The following CDCP2 variants were observed in gnomAD, a reference collection of about 807,000 sequenced individuals.
The protein encoded by CDCP2 is CUB domain-containing protein 2.
CDCP2 carries 31 observed loss-of-function variants against 31.0 expected under a neutral mutation model. The observed-to-expected ratio is 1.00, with a 90% CI of 0.75 to 1.35. The LOEUF is 1.35. Among genes scored for constraint, CDCP2 ranks in the 40% most tolerant of loss-of-function variants. CDCP2 has a pLI of 0.00. For missense variants in CDCP2, 443 were observed against 482.6 expected (o/e 0.92, Z 0.77); for synonymous variants, 206 against 207.9 (o/e 0.99, Z 0.08).
At chr1:54,137,692 T>TGTGTGTGTGCGCGC (rs1553173560) in intron 4 of CDCP2, 1 of 146,090 alleles carries the variant, frequency 6.8e-6, no homozygotes, top group African/African-American at 2.6e-5. Flanking sequence ...TGCGTGTGTG[T>TGTGTGTGTGCGCGC]GTGTGTGTGT....
intron 1 of CDCP2, among the ~76,000 whole-genome samples, chr1:54,146,896 C>A (rs1243686442): frequency 6.6e-6 from 1 of 151,108 alleles, no homozygotes; most frequent in Non-Finnish European, 1.5e-5. Context: ...GGCAACATGG[C>A]GAAACCCTGT....
At chr1:54,145,755 GT>G (rs781025667) in intron 1 of CDCP2, among the ~76,000 whole-genome samples, 2 of 152,178 alleles carry the variant, frequency 1.3e-5, no homozygotes, top group Non-Finnish European at 2.9e-5. Context: ...AGGGGAAGTA[GT>G]AAAAAGAGGG....
intron 5 of CDCP2, 38 bp downstream of exon 5, chr1:54,136,592 G>A (rs1241729765): frequency 5.0e-6 from 2 of 399,272 alleles, no homozygotes; most frequent in African/African-American, 2.1e-5. Flanking sequence ...CAGGGTCAGA[G>A]TCCCTCCCTT....
Position 54,144,683 on chromosome 1 carries a change from G to C in CDCP2, c.210C>G (p.Leu70=), listed in dbSNP as rs747783651. 9.9e-6 allele frequency: 16 copies of C among 1,614,132 alleles called. No homozygotes were observed. The Admixed American group carries it at 2.7e-4, about 27-fold the overall frequency. The change falls in exon 2 of 6, where the codon CTC becomes CTG. Residue 70 remains leucine (L), a synonymous_variant. Transcript: ENST00000530059. ...ACTCTAGGTCAAAGGCATGGAAGGT[G>C]AGCAGCACCGAGGATCCCTCGGCCA...
At chr1:54,143,280 CA>C (rs1659405415) in intron 2 of CDCP2, 1 of 152,204 alleles carries the variant, frequency 6.6e-6, no homozygotes, top group South Asian at 2.1e-4. Flanking sequence ...GTAGAGGTTG[CA>C]GTGAGCCAAG....
At chr1:54,140,157 AGT>A in intron 3 of CDCP2, 51 bp from the exon 4 acceptor site, 1 of 1,551,318 alleles carries the variant, frequency 6.4e-7, no homozygotes, top group Non-Finnish European at 8.9e-7. Flanking sequence ...GGAGAGGAGA[AGT>A]CACTCTCTGC....
chr1:54,134,505 C>T (rs1011334973), intron 5 of CDCP2, among the ~76,000 whole-genome samples: 10 of 152,224 alleles, frequency 6.6e-5, no homozygotes, highest in African/African-American at 1.2e-4. Context: ...CTCCCAACCA[C>T]GCCCAATCTG....
chr1:54,150,975 C>A (rs1361022927), intron 1 of CDCP2, among the ~76,000 whole-genome samples: 1 of 152,132 alleles, frequency 6.6e-6, no homozygotes, highest in African/African-American at 2.4e-5. Flanking sequence ...GCAAATGAGA[C>A]AAAACACACA....
rs202201685 is a variant in CDCP2, at chr1:54,141,194, G to A, written c.667C>T (p.Pro223Ser). The A allele has an allele frequency of 2.6e-5, 42 of 1,600,342 alleles. 1 individual carries two copies. In the South Asian group the frequency reaches 4.2e-4, roughly 16 times the overall value. Residue 223 changes from proline (P) to serine (S), a missense_variant, in exon 3 of 6, where the codon CCC (proline) becomes TCC (serine). By Grantham distance (74) the Pro-to-Ser change is moderately conservative. Coordinates refer to ENST00000530059, the Ensembl canonical transcript of CDCP2. ...TGGCCCAGAGACACGAGGGTGGGGG[G>A]CCTGGTGCTGCCACAGTAGTGGTGC...
chr1:54,135,296 T>C (rs2100418242), intron 5 of CDCP2, among the ~76,000 whole-genome samples: 1 of 152,246 alleles, frequency 6.6e-6, no homozygotes, highest in East Asian at 1.9e-4. Flanking sequence ...GTCTCTAATG[T>C]TTTTAAAGAG....
chr1:54,146,282 C>T (rs891997422), intron 1 of CDCP2, among the ~76,000 whole-genome samples: 1 of 151,148 alleles, frequency 6.6e-6, no homozygotes, highest in Non-Finnish European at 1.5e-5. Flanking sequence ...CAGGTTCAAG[C>T]GATTCTCATG....
chr1:54,148,989 A>AAT (rs1659528147), intron 1 of CDCP2, among the ~76,000 whole-genome samples: 2 of 145,396 alleles, frequency 1.4e-5, no homozygotes, highest in South Asian at 2.1e-4. Context: ...ATATATATAT[A>AAT]ATATATAATA....
chr1:54,140,911 T>C (rs1177234554), intron 3 of CDCP2, 187 bp downstream of exon 3: 1 of 472,730 alleles, frequency 2.1e-6, no homozygotes, highest in Non-Finnish European at 3.8e-6. Flanking sequence ...AAACAGTAAG[T>C]CTTCGCAGAG....
chr1:54,136,421 C>A (rs1659259323), intron 5 of CDCP2, among the ~76,000 whole-genome samples: 1 of 152,190 alleles, frequency 6.6e-6, no homozygotes, highest in Non-Finnish European at 1.5e-5. Context: ...CAGAGGGACA[C>A]CCTCTCCTCT....
Position 54,149,008 on chromosome 1 carries a change from T to TTA in CDCP2, c.79+3834_79+3835dup, listed in dbSNP as rs921138083. Among the ~76,000 whole-genome samples the TTA allele has an allele frequency of 1.8e-4, 26 of 146,626 alleles. 1 individual carries two copies. The highest frequency in any genetic ancestry group is 6.3e-4 in the South Asian group (3 of 4,730). On this transcript the variant is annotated intron_variant, in intron 1 of 5. Transcript: ENST00000530059. ...ATATATAATATATAATATATTTATT[T>TTA]TATATATATATATATTTGGTCAATA... is the stretch of plus-strand genomic sequence containing the variant.
At position 54,140,063 on chromosome 1, in the gene CDCP2, G is replaced by GGA. The variant is rs749317672; in HGVS notation, c.805_806dup (p.Ser270ProfsTer42). On this transcript the variant is annotated frameshift_variant, in exon 4 of 6. Transcript: ENST00000530059. LOFTEE classifies it high-confidence loss of function. ...GGTAGGAGCTGGGGTACTGTGGGCTGGAGAAGTTGCCCCGCATGGCCATGT... is the reference window on the plus strand; with the variant it reads ...GGTAGGAGCTGGGGTACTGTGGGCTGGAGAGAAGTTGCCCCGCATGGCCATGT... The GGA allele has an allele frequency of 6.2e-7, 1 of 1,613,640 alleles. No homozygotes were observed. The highest frequency in any genetic ancestry group is 2.2e-5 in the East Asian group (1 of 44,878).
chr1:54,137,826 A>T (rs1659287527), intron 4 of CDCP2: 1 of 152,000 alleles, frequency 6.6e-6, no homozygotes, highest in South Asian at 2.1e-4. Context: ...AATGCCTCAG[A>T]CATATTTCAG....
chr1:54,132,895 C>A, downstream of CDCP2: 1 of 397,930 alleles, frequency 2.5e-6, no homozygotes, highest in South Asian at 1.4e-4. Flanking sequence ...CAGCAAGTCC[C>A]CGTCCCACCC....
chr1:54,139,636 G>T (rs200321812), intron 4 of CDCP2, 117 bp downstream of exon 4: 4 of 1,469,046 alleles, frequency 2.7e-6, no homozygotes, highest in Non-Finnish European at 3.6e-6. Context: ...AGCTGGAGAA[G>T]ACCATTCATG....
Sources: allele counts gnomAD v4.1 joint callset (sites outside exome capture counted in the v4.1 genomes callset), GRCh38; gene constraint gnomAD v4.1.1; transcripts MANE v1.5; gene names NCBI Gene and HGNC (gene_info 2026-07-23, HGNC 2026-07-21).